SVEP1: variants seen among roughly 807,000 people sequenced by gnomAD.
The protein encoded by SVEP1 is sushi, von Willebrand factor type A, EGF and pentraxin domain-containing protein 1.
In SVEP1, 164 loss-of-function variants were observed where a neutral mutation model predicts 367.3. The observed-to-expected ratio is 0.45, with a 90% CI of 0.39 to 0.51. The LOEUF (loss-of-function observed/expected upper bound fraction) is 0.51. Among genes scored for constraint, SVEP1 ranks in the 20% least tolerant of loss-of-function variants. The pLI is 0.00. For synonymous variants in SVEP1, 1,666 were observed against 1,611.6 expected (o/e 1.03, Z -0.81); for missense variants, 4,117 against 4,425.3 (o/e 0.93, Z 1.98).
Position 110,457,291 on chromosome 9 carries a change from C to T in SVEP1, c.3638G>A (p.Arg1213His), listed in dbSNP as rs371387093. The change falls in exon 21 of 48, where the codon CGT becomes CAT. Residue 1213 changes from arginine (R) to histidine (H), a missense_variant. This residue lies in a region of SVEP1 where 2,174 missense variants were observed against 2,494.3 expected (regional missense o/e 0.87). Transcript: ENST00000374469. ...AAGTGGACAGAGACAAACATAACCA[C>T]GCCCAAGTTGCTGGCAGGTTCCACT... is the stretch of plus-strand genomic sequence containing the variant. ...HNSGTCQQLG[R>H]GYVCLCPLGY... is the part of the protein sequence containing the mutation. The T allele has an allele frequency of 2.4e-5, 39 of 1,612,678 alleles. No homozygotes were observed. Among genetic ancestry groups the T allele is most frequent in the African/African-American group, 1.9e-4 (14 of 74,932 alleles).
chr9:110,525,379 A>T (rs1309174601), intron 3 of SVEP1, among the ~76,000 whole-genome samples: 1 of 152,218 alleles, frequency 6.6e-6, no homozygotes, highest in African/African-American at 2.4e-5. Flanking sequence ...AAAAATAATA[A>T]AGCAAGCATG....
In SVEP1 at chr9:110,370,015, A is replaced by C; in HGVS notation, c.10602T>G (p.Ala3534=). ...CATTTAAGCAGGGAGACTGGCAAAC[A>C]GCTGGAATAAAAAACCCATGCATTT... ...PGWTGSRCHT[A]VCQSPCLNGG... is the part of the protein sequence containing the mutation. Residue 3534 remains alanine (A), a splice_region_variant and synonymous_variant, in exon 47 of 48, where the codon GCT becomes GCG. Coordinates refer to ENST00000374469, the MANE Select transcript of SVEP1 (RefSeq NM_153366.4). 1 of 1,612,216 alleles carries C rather than the reference A, an allele frequency of 6.2e-7. No homozygotes were observed. The highest frequency in any genetic ancestry group is 2.2e-5 in the East Asian group (1 of 44,840).
At chr9:110,377,654 C>T (rs1294757835) in intron 44 of SVEP1, among the ~76,000 whole-genome samples, 1 of 152,144 alleles carries the variant, frequency 6.6e-6, no homozygotes, top group Non-Finnish European at 1.5e-5. Flanking sequence ...GTGAAATAAT[C>T]ACCACAATGG....
intron 1 of SVEP1, among the ~76,000 whole-genome samples, chr9:110,563,053 A>C (rs999298816): frequency 6.6e-6 from 1 of 152,214 alleles, no homozygotes; most frequent in Non-Finnish European, 1.5e-5. Flanking sequence ...ATGAAAGAGA[A>C]TAAATTGAAA....
chr9:110,523,075 C>T (rs1391892189), intron 3 of SVEP1, among the ~76,000 whole-genome samples: 1 of 152,164 alleles, frequency 6.6e-6, no homozygotes, highest in Non-Finnish European at 1.5e-5. Flanking sequence ...TTACCAAAGG[C>T]CATGTCTTCA....
chr9:110,544,002 G>A (rs911366642), intron 3 of SVEP1, among the ~76,000 whole-genome samples: 3 of 152,112 alleles, frequency 2.0e-5, no homozygotes, highest in Admixed American at 6.6e-5. Context: ...GAGTGATTCT[G>A]CTGGGTGAGC....
rs1187484608 is a variant in SVEP1, at chr9:110,407,863, G to T, written c.7737C>A (p.Ile2579=). Residue 2579 remains isoleucine (I), a synonymous_variant, in exon 38 of 48, where the codon ATC becomes ATA. Transcript: ENST00000374469. The part of the protein sequence containing the change: ...GADYSYGAII[I]YSCFPGFQVA... Reference sequence around the variant, plus strand: ...CCTGAAACCCAGGGAAGCAACTGTAGATGATTATGGCACCATAGCTGTAAT... The same window carrying T: ...CCTGAAACCCAGGGAAGCAACTGTATATGATTATGGCACCATAGCTGTAAT... The T allele has an allele frequency of 6.2e-7, 1 of 1,614,030 alleles. No individual in the cohort carries two copies.
rs756552237 is a variant in SVEP1, at chr9:110,407,260, T to C, written c.8340A>G (p.Pro2780=). The change falls in exon 38 of 48, where the codon CCA becomes CCG. Residue 2780 remains proline (P), a synonymous_variant. Transcript: ENST00000374469. ...TTCCTTTGATGGATCCATTCATGAC[T>C]GGATTTGGCTTTTTGCATGAAATGG... ...CEAISCKKPN[P]VMNGSIKGSN... The C allele has an allele frequency of 4.3e-6, 7 of 1,613,876 alleles. No individual in the cohort carries two copies. The highest frequency in any genetic ancestry group is 1.1e-5 in the South Asian group (1 of 91,092).
chr9:110,415,393 T>C (rs1828104618), intron 36 of SVEP1, among the ~76,000 whole-genome samples: 1 of 152,054 alleles, frequency 6.6e-6, no homozygotes, highest in South Asian at 2.1e-4. Flanking sequence ...CCAGGAGGCT[T>C]ACATTGTGTG....
At chr9:110,434,120 C>G (rs1828395394) in intron 30 of SVEP1, among the ~76,000 whole-genome samples, 1 of 152,186 alleles carries the variant, frequency 6.6e-6, no homozygotes, top group Non-Finnish European at 1.5e-5. Flanking sequence ...TTCCTTGCAT[C>G]ACCTTGGATG....
At chr9:110,567,997 C>G (rs151192214) in intron 1 of SVEP1, among the ~76,000 whole-genome samples, 2 of 152,132 alleles carry the variant, frequency 1.3e-5, no homozygotes, top group Admixed American at 6.6e-5. Flanking sequence ...CCTTAAGCTG[C>G]GATACTTCTA....
At position 110,402,654 on chromosome 9, in the gene SVEP1, G is replaced by C. The variant is rs139677080; in HGVS notation, c.9667-1645C>G. 2.8e-3 allele frequency among the ~76,000 whole-genome samples: 430 copies of C among 152,086 alleles called. 5 individuals are homozygous for C. Among genetic ancestry groups the C allele is most frequent in the Non-Finnish European group, 6.0e-4 (41 of 67,960 alleles). ...ACAGAGTTCTCCAGGGCTTACAAGG[G>C]GACCCAGTTGTCTACACACCCAACC... On this transcript the variant is annotated intron_variant, in intron 39 of 47. Coordinates refer to ENST00000374469, the MANE Select transcript of SVEP1 (RefSeq NM_153366.4).
At chr9:110,423,831 C>G (rs1192941111) in intron 36 of SVEP1, among the ~76,000 whole-genome samples, 2 of 152,070 alleles carry the variant, frequency 1.3e-5, no homozygotes, top group Non-Finnish European at 2.9e-5. Context: ...CAATTCATCC[C>G]TAGAATAAGA....
At chr9:110,443,828 ACTTTGTGTAAATC>A (rs1828550841) in intron 26 of SVEP1, 108 bp from the exon 27 acceptor site, 1 of 962,310 alleles carries the variant, frequency 1.0e-6, no homozygotes, top group African/African-American at 1.7e-5. Context: ...TGGGTAAAGT[ACTTTGTGTAAATC>A]CATTACTCTT....
intron 9 of SVEP1, among the ~76,000 whole-genome samples, chr9:110,487,088 C>T (rs1315871323): frequency 6.6e-6 from 1 of 152,172 alleles, no homozygotes; most frequent in Non-Finnish European, 1.5e-5. Context: ...TCCCGAGTAG[C>T]TGGGATTACA....
chr9:110,432,039 A>G lies in SVEP1; in HGVS notation c.5234-5T>C. The G allele has an allele frequency of 6.3e-7, 1 of 1,592,072 alleles. No homozygotes were observed. Among genetic ancestry groups the G allele is most frequent in the Non-Finnish European group, 8.5e-7 (1 of 1,171,888 alleles). On this transcript the variant is annotated splice_polypyrimidine_tract_variant and splice_region_variant and intron_variant, in intron 31 of 47. Coordinates refer to ENST00000374469, the MANE Select transcript of SVEP1 (RefSeq NM_153366.4). ...CAACTGCACACTCATCGACATCTAAAATGAAGACAGCTTATAAATATTAAA... is the reference window on the plus strand; with the variant it reads ...CAACTGCACACTCATCGACATCTAAGATGAAGACAGCTTATAAATATTAAA...
chr9:110,559,495 A>T (rs1472537286), intron 1 of SVEP1, among the ~76,000 whole-genome samples: 1 of 152,176 alleles, frequency 6.6e-6, no homozygotes, highest in Non-Finnish European at 1.5e-5. Context: ...ATACCAAAAT[A>T]GCATAAGTTT....
intron 5 of SVEP1, among the ~76,000 whole-genome samples, chr9:110,512,038 A>G (rs1829726565): frequency 6.6e-6 from 1 of 152,164 alleles, no homozygotes; most frequent in Non-Finnish European, 1.5e-5. Flanking sequence ...AAAATCAACA[A>G]ATAATTTTTT....
chr9:110,443,737 T>A lies in SVEP1; in HGVS notation c.4464-17A>T, dbSNP rs1828549315. On this transcript the variant is annotated splice_polypyrimidine_tract_variant and intron_variant, in intron 26 of 47. Transcript: ENST00000374469. ...AGAACCCAGCTGTAGAGAGAAAGAT[T>A]CCAGGGAATGTAGTCATTAGCCATA... is the stretch of plus-strand genomic sequence containing the variant. 6.4e-7 allele frequency: 1 copy of A among 1,562,894 alleles called. No individual in the cohort carries two copies. The highest frequency in any genetic ancestry group is 8.7e-7 in the Non-Finnish European group (1 of 1,152,282).
Sources: allele counts gnomAD v4.1 joint callset (sites outside exome capture counted in the v4.1 genomes callset), GRCh38; gene constraint gnomAD v4.1.1; regional missense constraint gnomAD v4.1.1; transcripts MANE v1.5; gene names NCBI Gene and HGNC (gene_info 2026-07-23, HGNC 2026-07-21).